The following C12orf56 variants were observed in gnomAD, a reference collection of about 807,000 sequenced individuals.
The protein encoded by C12orf56 is chromosome 12 open reading frame 56, also known as uncharacterized protein C12orf56.
C12orf56 carries 71 observed loss-of-function variants against 69.9 expected under a neutral mutation model. That is an observed-to-expected ratio of 1.02 (90% CI 0.84 to 1.24). The LOEUF (loss-of-function observed/expected upper bound fraction) is 1.24. C12orf56 is among the 50% of genes most tolerant of loss of function. The probability of loss-of-function intolerance (pLI) is 0.00; values close to 1 mark genes in which losing one functional copy is unlikely to be tolerated. For synonymous variants in C12orf56, 276 were observed against 274.1 expected, an observed-to-expected ratio of 1.01 and a Z score of -0.07; for missense variants, 732 against 738.5, an observed-to-expected ratio of 0.99 and a Z score of 0.10.
At chr12:64,353,767 C>T (rs1456481440) in intron 1 of C12orf56, among the ~76,000 whole-genome samples, 1 of 152,114 alleles carries the variant, frequency 6.6e-6, no homozygotes, top group Non-Finnish European at 1.5e-5. Context: ...CTACAACCTC[C>T]ACCTCCTGGG....
At chr12:64,309,134 A>G (rs934667771) in intron 5 of C12orf56, among the ~76,000 whole-genome samples, 1 of 152,250 alleles carries the variant, frequency 6.6e-6, no homozygotes, top group African/African-American at 2.4e-5. Flanking sequence ...AACTAAAATT[A>G]TATAACAAAG....
intron 1 of C12orf56, among the ~76,000 whole-genome samples, chr12:64,361,874 A>G (rs1331036399): frequency 2.6e-5 from 4 of 152,166 alleles, no homozygotes; most frequent in Non-Finnish European, 1.5e-5. Context: ...CTGGGATTAC[A>G]GGCATGCGCC....
At chr12:64,309,286 T>C (rs1352592643) in intron 5 of C12orf56, among the ~76,000 whole-genome samples, 1 of 152,164 alleles carries the variant, frequency 6.6e-6, no homozygotes, top group East Asian at 1.9e-4. Flanking sequence ...ACAGTAACTC[T>C]CCCTTCACCA....
chr12:64,375,525 T>TGTA (rs2039628110), intron 1 of C12orf56, among the ~76,000 whole-genome samples: 1 of 152,116 alleles, frequency 6.6e-6, no homozygotes. Flanking sequence ...AAGTGTACAG[T>TGTA]GTAGTGGTGG....
chr12:64,325,667 G>A (rs185450026), intron 3 of C12orf56, among the ~76,000 whole-genome samples: 2 of 152,200 alleles, frequency 1.3e-5, no homozygotes, highest in Admixed American at 6.5e-5. Flanking sequence ...TGAAACAGCA[G>A]GCTCCCAAAG....
intron 1 of C12orf56, among the ~76,000 whole-genome samples, chr12:64,361,207 G>A (rs1173395666): frequency 6.6e-6 from 1 of 152,118 alleles, no homozygotes; most frequent in Non-Finnish European, 1.5e-5. Flanking sequence ...GACAAAGTGA[G>A]ACTCCATCTC....
At chr12:64,286,230 C>T (rs1260017577) in intron 6 of C12orf56, among the ~76,000 whole-genome samples, 170 bp from the exon 7 acceptor site, 1 of 152,206 alleles carries the variant, frequency 6.6e-6, no homozygotes, top group Admixed American at 6.5e-5. Context: ...ATACTTCTTA[C>T]TTACACCCAA....
At chr12:64,357,101 G>T (rs1040452731) in intron 1 of C12orf56, among the ~76,000 whole-genome samples, 1 of 150,634 alleles carries the variant, frequency 6.6e-6, no homozygotes, top group African/African-American at 2.4e-5. Flanking sequence ...TTATCAGCAG[G>T]CTCCTAAAAA....
At chr12:64,335,233 A>G (rs1414799810) in intron 2 of C12orf56, among the ~76,000 whole-genome samples, 1 of 152,114 alleles carries the variant, frequency 6.6e-6, no homozygotes. Flanking sequence ...CCTGGCCAAC[A>G]TAGAGAAACC....
chr12:64,311,770 C>G (rs1487777104), intron 5 of C12orf56, among the ~76,000 whole-genome samples: 1 of 152,158 alleles, frequency 6.6e-6, no homozygotes, highest in Non-Finnish European at 1.5e-5. Context: ...AGACTTTCAC[C>G]TAAGGGCAAT....
At chr12:64,296,123 G>A (rs1321026515) in intron 6 of C12orf56, among the ~76,000 whole-genome samples, 1 of 152,130 alleles carries the variant, frequency 6.6e-6, no homozygotes, top group East Asian at 1.9e-4. Context: ...TGGAATTGTT[G>A]CTATAAGGAA....
chr12:64,328,679 C>CAAAAAAAAAAAAAAA (rs59688148), intron 3 of C12orf56, among the ~76,000 whole-genome samples: 1 of 57,920 alleles, frequency 1.7e-5, no homozygotes. Flanking sequence ...GACTCCATCT[C>CAAAAAAAAAAAAAAA]AAAAAAAAAA....
chr12:64,331,210 C>T (rs924257460), intron 2 of C12orf56, among the ~76,000 whole-genome samples, 178 bp from the exon 3 acceptor site: 2 of 152,096 alleles, frequency 1.3e-5, no homozygotes, highest in African/African-American at 4.8e-5. Flanking sequence ...TTGACATGAA[C>T]ATGTCCTCGG....
At chr12:64,350,278 G>T (rs1592477099) in intron 2 of C12orf56, among the ~76,000 whole-genome samples, 1 of 152,080 alleles carries the variant, frequency 6.6e-6, no homozygotes, top group East Asian at 1.9e-4. Context: ...GACCACTAAA[G>T]AGCTTACTCA....
intron 1 of C12orf56, among the ~76,000 whole-genome samples, chr12:64,368,019 G>T (rs1387809787): frequency 1.3e-5 from 2 of 151,896 alleles, no homozygotes; most frequent in Non-Finnish European, 2.9e-5. Flanking sequence ...AGTTGGCCAG[G>T]CTGGTCTCAA....
chr12:64,346,688 A>T (rs187262063), intron 2 of C12orf56, among the ~76,000 whole-genome samples: 1 of 152,228 alleles, frequency 6.6e-6, no homozygotes, highest in Non-Finnish European at 1.5e-5. Context: ...CTCTAATCAC[A>T]TGATTGGTTC....
chr12:64,300,917 G>A (rs928963011), intron 6 of C12orf56, among the ~76,000 whole-genome samples: 3 of 152,088 alleles, frequency 2.0e-5, no homozygotes, highest in Admixed American at 2.0e-4. Context: ...CCCCACTGTC[G>A]AGGGAGGGTC....
At chr12:64,328,010 T>C (rs1242392089) in intron 3 of C12orf56, among the ~76,000 whole-genome samples, 1 of 152,192 alleles carries the variant, frequency 6.6e-6, no homozygotes, top group African/African-American at 2.4e-5. Context: ...TAAGCCATTT[T>C]TTTTTTGGCA....
intron 3 of C12orf56, among the ~76,000 whole-genome samples, chr12:64,319,975 T>C (rs994445829): frequency 6.6e-6 from 1 of 152,048 alleles, no homozygotes; most frequent in Admixed American, 6.5e-5. Flanking sequence ...CCACTCCTGT[T>C]TGCCGCCTTG....
Sources: gnomAD v4.1 joint callset for allele counts (sites outside exome capture counted in the v4.1 genomes callset) on GRCh38, gnomAD v4.1.1 for gene constraint, MANE v1.5 for transcripts, NCBI Gene and HGNC (gene_info 2026-07-23, HGNC 2026-07-21) for gene names.